Variants in GUCY1A2 observed in about 807,000 individuals in gnomAD.
GUCY1A2 encodes the protein guanylate cyclase soluble subunit alpha-2.
Under a neutral mutation model 63.5 loss-of-function variants are expected in GUCY1A2, and 27 were observed. The observed-to-expected ratio is 0.43, with a 90% CI of 0.31 to 0.59. GUCY1A2 has a LOEUF of 0.59. Ranked by LOEUF, GUCY1A2 falls within the 20% of genes least tolerant of loss-of-function variation. The pLI, the probability that GUCY1A2 is intolerant of heterozygous loss-of-function variation, is 0.11. For missense variants in GUCY1A2, 768 were observed against 913.3 expected (o/e 0.84, Z 2.05); for synonymous variants, 364 against 343.5 (o/e 1.06, Z -0.66).
chr11:106,711,186 C>T (rs1863111826), intron 6 of GUCY1A2, among the ~76,000 whole-genome samples: 1 of 152,032 alleles, frequency 6.6e-6, no homozygotes, highest in Admixed American at 6.6e-5. Flanking sequence ...ACAAATGGAG[C>T]ATTTAACCCA....
chr11:106,950,255 G>A (rs546691746), intron 3 of GUCY1A2, among the ~76,000 whole-genome samples: 1 of 152,318 alleles, frequency 6.6e-6, no homozygotes, highest in South Asian at 2.1e-4. Flanking sequence ...CAACCTGGCA[G>A]GTGACAAAGG....
At chr11:106,814,785 C>T (rs535380243) in intron 4 of GUCY1A2, among the ~76,000 whole-genome samples, 7 of 152,110 alleles carry the variant, frequency 4.6e-5, no homozygotes, top group Non-Finnish European at 7.4e-5. Flanking sequence ...ACATGCCAAA[C>T]CTAAATAGAG....
chr11:106,964,017 TCC>T (rs1026927514), intron 3 of GUCY1A2, among the ~76,000 whole-genome samples: 1 of 151,644 alleles, frequency 6.6e-6, no homozygotes, highest in African/African-American at 2.4e-5. Flanking sequence ...TCTCTCTCAT[TCC>T]CCCTTCTCTT....
chr11:106,682,508 A>G lies in GUCY1A2; in HGVS notation c.*5041T>C. ...TGAAGCCAGCCAGATACTTCCAAGC[A>G]GATCAGCTGAACCACTGAACTAGGT... On this transcript the variant is annotated 3_prime_UTR_variant, in exon 8 of 8. Transcript: ENST00000526355. 1 of 210,618 alleles carries G rather than the reference A, an allele frequency of 4.7e-6. No homozygotes were observed. Among genetic ancestry groups the G allele is most frequent in the Non-Finnish European group, 9.7e-6 (1 of 103,578 alleles). 13.0% of individuals were successfully genotyped at this position (210,618 alleles called of 1,614,324 possible). A position where few individuals can be genotyped will look rare whatever the true frequency, so the allele number is the denominator to read the frequency against.
chr11:106,795,539 T>C (rs1022015395), intron 5 of GUCY1A2, among the ~76,000 whole-genome samples: 2 of 152,174 alleles, frequency 1.3e-5, no homozygotes, highest in African/African-American at 4.8e-5. Context: ...CATGTGCACC[T>C]ATGCATGTGC....
chr11:106,997,878 G>A (rs937878252), intron 1 of GUCY1A2, among the ~76,000 whole-genome samples: 2 of 152,012 alleles, frequency 1.3e-5, no homozygotes, highest in African/African-American at 4.8e-5. Flanking sequence ...TTTTAGAAAC[G>A]CTAAAGAGAT....
At chr11:106,901,890 C>T (rs143294708) in intron 4 of GUCY1A2, among the ~76,000 whole-genome samples, 2,272 of 152,108 alleles carry the variant, frequency 0.015, 55 homozygotes, top group African/African-American at 0.052. Flanking sequence ...CTATCACTGA[C>T]GGACATTTTG....
intron 5 of GUCY1A2, among the ~76,000 whole-genome samples, 174 bp downstream of exon 5, chr11:106,809,819 G>T (rs1387895719): frequency 6.6e-6 from 1 of 151,840 alleles, no homozygotes; most frequent in Non-Finnish European, 1.5e-5. Context: ...CAACACAAAC[G>T]AACTCATATT....
chr11:106,967,632 A>C (rs959787524), intron 3 of GUCY1A2, among the ~76,000 whole-genome samples: 2 of 151,966 alleles, frequency 1.3e-5, no homozygotes, highest in Non-Finnish European at 2.9e-5. Flanking sequence ...CTAAGCCAGT[A>C]ATCTAAGCCA....
rs901267472 is a variant in GUCY1A2, at chr11:106,679,905, G to A, written c.*7644C>T. ...AGCTTCACTGAGATGTGCAGCTGCC[G>A]AGAGGTTGGCACTACCTCCTAGGAA... On this transcript the variant is annotated 3_prime_UTR_variant, in exon 8 of 8. Coordinates refer to ENST00000526355, the MANE Select transcript of GUCY1A2 (RefSeq NM_000855.3). The A allele has an allele frequency of 2.3e-5, 5 of 218,384 alleles. No individual in the cohort carries two copies. Among genetic ancestry groups the A allele is most frequent in the East Asian group, 1.3e-4 (2 of 14,908 alleles). The allele number at this position is 218,384 out of a possible 1,614,324, so 13.5% of individuals were successfully genotyped here.
At chr11:106,779,002 A>G (rs952241117) in intron 5 of GUCY1A2, among the ~76,000 whole-genome samples, 2 of 152,176 alleles carry the variant, frequency 1.3e-5, no homozygotes, top group Non-Finnish European at 2.9e-5. Context: ...TTTCCATGTA[A>G]AAGCATTCCA....
intron 3 of GUCY1A2, among the ~76,000 whole-genome samples, chr11:106,951,106 G>A (rs866222536): frequency 6.6e-6 from 1 of 152,168 alleles, no homozygotes. Flanking sequence ...ATTCCATGGT[G>A]TATATGTACC....
chr11:106,777,686 GGGGGGCTA>G (rs1243735858), intron 5 of GUCY1A2, among the ~76,000 whole-genome samples: 3 of 131,160 alleles, frequency 2.3e-5, no homozygotes, highest in Non-Finnish European at 4.9e-5. Context: ...GTCGGGGGGT[GGGGGGCTA>G]GGGGTGGGAT....
chr11:106,920,799 C>T (rs1320487988), intron 4 of GUCY1A2, among the ~76,000 whole-genome samples: 1 of 152,046 alleles, frequency 6.6e-6, no homozygotes, highest in Non-Finnish European at 1.5e-5. Flanking sequence ...GTAACAAAAT[C>T]ATATTTCCTT....
intron 4 of GUCY1A2, among the ~76,000 whole-genome samples, chr11:106,858,198 G>C (rs896431951): frequency 1.3e-5 from 2 of 152,084 alleles, no homozygotes; most frequent in South Asian, 4.1e-4. Flanking sequence ...GAGAGTTATG[G>C]TTACCAGTGA....
chr11:106,856,355 C>A (rs1025896733), intron 4 of GUCY1A2, among the ~76,000 whole-genome samples: 43 of 152,140 alleles, frequency 2.8e-4, no homozygotes, highest in Admixed American at 1.3e-3. Flanking sequence ...AAAGCCTGGG[C>A]ATTTTGTTTC....
At chr11:106,712,784 G>A (rs867522779) in intron 6 of GUCY1A2, among the ~76,000 whole-genome samples, 1 of 152,098 alleles carries the variant, frequency 6.6e-6, no homozygotes, top group Non-Finnish European at 1.5e-5. Flanking sequence ...CTTGATTTAT[G>A]AGGTTTTCCA....
At chr11:106,878,263 G>A (rs114769507) in intron 4 of GUCY1A2, among the ~76,000 whole-genome samples, 129 of 152,126 alleles carry the variant, frequency 8.5e-4, no homozygotes, top group Middle Eastern at 6.8e-3. Context: ...ATTCGACCTA[G>A]CCATCTCATC....
chr11:106,864,153 G>A (rs903519406), intron 4 of GUCY1A2, among the ~76,000 whole-genome samples: 5 of 151,696 alleles, frequency 3.3e-5, no homozygotes, highest in Admixed American at 1.3e-4. Flanking sequence ...ACCATGGCAC[G>A]TGTATACCTA....
Sources: gnomAD v4.1 joint callset for allele counts (sites outside exome capture counted in the v4.1 genomes callset) on GRCh38, gnomAD v4.1.1 for gene constraint, MANE v1.5 for transcripts, NCBI Gene and HGNC (gene_info 2026-07-23, HGNC 2026-07-21) for gene names.